Variants in COX7B2 observed in about 807,000 individuals in gnomAD.
COX7B2 encodes cytochrome c oxidase subunit 7B2, mitochondrial.
For synonymous variants in COX7B2, 37 were observed against 32.1 expected, an observed-to-expected ratio of 1.15 and a Z score of -0.51; for missense variants, 109 against 95.9, an observed-to-expected ratio of 1.14 and a Z score of -0.57.
chr4:46,837,809 T>C (rs1715640141), intron 2 of COX7B2, among the ~76,000 whole-genome samples: 1 of 152,208 alleles, frequency 6.6e-6, no homozygotes, highest in East Asian at 1.9e-4. Flanking sequence ...TTATGCTGTT[T>C]GTTGCCACAT....
chr4:46,773,447 C>T (rs1414507902), intron 2 of COX7B2, among the ~76,000 whole-genome samples: 3 of 152,008 alleles, frequency 2.0e-5, no homozygotes, highest in Non-Finnish European at 4.4e-5. Flanking sequence ...CTTTCTGAGG[C>T]CCCCCCAGTC....
intron 2 of COX7B2, among the ~76,000 whole-genome samples, chr4:46,794,315 T>A (rs1394842353): frequency 6.6e-6 from 1 of 152,112 alleles, no homozygotes; most frequent in Non-Finnish European, 1.5e-5. Context: ...TTCAGGGAGT[T>A]AGGAAGGATT....
At chr4:46,861,168 T>TA (rs1717313092) in intron 1 of COX7B2, among the ~76,000 whole-genome samples, 2 of 152,198 alleles carry the variant, frequency 1.3e-5, no homozygotes, top group African/African-American at 4.8e-5. Flanking sequence ...TGTCACTCTA[T>TA]TTTTACCTTT....
At chr4:46,851,518 G>C (rs761581993) in intron 1 of COX7B2, among the ~76,000 whole-genome samples, 9 of 151,954 alleles carry the variant, frequency 5.9e-5, no homozygotes, top group Admixed American at 1.3e-4. Context: ...CAAAAGTACA[G>C]GAAATTAACA....
chr4:46,896,675 C>T (rs1242798280), intron 1 of COX7B2, among the ~76,000 whole-genome samples: 1 of 152,008 alleles, frequency 6.6e-6, no homozygotes, highest in Non-Finnish European at 1.5e-5. Context: ...GAACAAGAAT[C>T]CTTAATAGAA....
chr4:46,860,645 A>T (rs897547838), intron 1 of COX7B2, among the ~76,000 whole-genome samples: 1 of 152,174 alleles, frequency 6.6e-6, no homozygotes, highest in African/African-American at 2.4e-5. Flanking sequence ...ACAGAAGTAC[A>T]TCTGACCAAC....
At chr4:46,854,783 T>C (rs919606216) in intron 1 of COX7B2, among the ~76,000 whole-genome samples, 1 of 152,162 alleles carries the variant, frequency 6.6e-6, no homozygotes, top group African/African-American at 2.4e-5. Context: ...AAATGGAATA[T>C]TATAAAACCA....
At chr4:46,747,334 C>G (rs1014742505) in intron 2 of COX7B2, among the ~76,000 whole-genome samples, 2 of 124,276 alleles carry the variant, frequency 1.6e-5, no homozygotes, top group Admixed American at 9.6e-5. Context: ...GTCAGAGTCT[C>G]GCTCTGTCGC....
chr4:46,798,190 G>T (rs1718461477), intron 2 of COX7B2, among the ~76,000 whole-genome samples: 1 of 152,158 alleles, frequency 6.6e-6, no homozygotes, highest in South Asian at 2.1e-4. Flanking sequence ...ATTTCTAGGA[G>T]TCTAGTGGTA....
intron 1 of COX7B2, among the ~76,000 whole-genome samples, chr4:46,881,801 C>T (rs1718763216): frequency 6.6e-6 from 1 of 151,992 alleles, no homozygotes; most frequent in Non-Finnish European, 1.5e-5. Flanking sequence ...ATTTTGGGGG[C>T]CCAAGATATT....
chr4:46,771,191 G>T (rs1176240395), intron 2 of COX7B2, among the ~76,000 whole-genome samples: 1 of 152,164 alleles, frequency 6.6e-6, no homozygotes, highest in Non-Finnish European at 1.5e-5. Flanking sequence ...CATGCAAACT[G>T]CTAACGCGTG....
chr4:46,780,228 C>A (rs918083388), intron 2 of COX7B2, among the ~76,000 whole-genome samples: 6 of 151,860 alleles, frequency 4.0e-5, no homozygotes, highest in African/African-American at 1.4e-4. Flanking sequence ...AAGTCTAAAC[C>A]CCTGCTGGCC....
chr4:46,763,666 AG>A lies in COX7B2; in HGVS notation c.-49-28426del, dbSNP rs1172195260. Among the ~76,000 whole-genome samples, 3 of 152,140 alleles carry A rather than the reference AG, an allele frequency of 2.0e-5. No homozygotes were observed. The East Asian group carries it at 5.8e-4, about 29-fold the overall frequency. ...CTTACAAATGAAGAGATCCAGCAAGAGGCAAGGATAGATTATATATTATATA... is the reference window on the plus strand; with the variant it reads ...CTTACAAATGAAGAGATCCAGCAAGAGCAAGGATAGATTATATATTATATA... On this transcript the variant is annotated intron_variant, in intron 2 of 2. Coordinates refer to ENST00000355591, the MANE Select transcript of COX7B2 (RefSeq NM_130902.3).
chr4:46,855,904 A>C (rs1352407234), intron 1 of COX7B2, among the ~76,000 whole-genome samples: 1 of 152,144 alleles, frequency 6.6e-6, no homozygotes, highest in African/African-American at 2.4e-5. Flanking sequence ...TAAAACACTG[A>C]AATAAGTCTG....
At chr4:46,836,609 A>C (rs1715532668) in intron 2 of COX7B2, among the ~76,000 whole-genome samples, 1 of 151,996 alleles carries the variant, frequency 6.6e-6, no homozygotes. Context: ...AAAAAGAAGG[A>C]GCACAAGCTA....
intron 2 of COX7B2, among the ~76,000 whole-genome samples, chr4:46,773,201 T>A (rs569315023): frequency 1.3e-5 from 2 of 152,258 alleles, no homozygotes; most frequent in African/African-American, 4.8e-5. Flanking sequence ...TTTGACTGTG[T>A]CCCCACCTAA....
At chr4:46,853,533 A>T (rs1045493395) in intron 1 of COX7B2, among the ~76,000 whole-genome samples, 7 of 151,236 alleles carry the variant, frequency 4.6e-5, no homozygotes, top group Non-Finnish European at 1.0e-4. Flanking sequence ...AGTTATGTAC[A>T]TTTTTTTTTA....
chr4:46,895,024 A>G (rs998711525), intron 1 of COX7B2, among the ~76,000 whole-genome samples: 1 of 151,978 alleles, frequency 6.6e-6, no homozygotes, highest in African/African-American at 2.4e-5. Context: ...GAGCTGTGCC[A>G]AGCAACCGTT....
chr4:46,807,385 C>A lies in COX7B2; in HGVS notation c.-50+37575G>T, dbSNP rs572088728. 2.0e-5 allele frequency among the ~76,000 whole-genome samples: 3 copies of A among 152,006 alleles called. No homozygotes were observed. The East Asian group carries it at 5.8e-4, about 29-fold the overall frequency. On this transcript the variant is annotated intron_variant, in intron 2 of 2. Transcript: ENST00000355591. ...TAGTTATTCCACTACTGAGTGATATCAGTTTTATCTAAATTTTAAACATTA... is the reference window on the plus strand; with the variant it reads ...TAGTTATTCCACTACTGAGTGATATAAGTTTTATCTAAATTTTAAACATTA...
Sources: allele counts gnomAD v4.1 joint callset (sites outside exome capture counted in the v4.1 genomes callset), GRCh38; gene constraint gnomAD v4.1.1; transcripts MANE v1.5; gene names NCBI Gene and HGNC (gene_info 2026-07-23, HGNC 2026-07-21).